PAX5: variants seen among roughly 807,000 people sequenced by gnomAD.
PAX5 encodes the protein paired box protein Pax-5.
Under a neutral mutation model 43.7 loss-of-function variants are expected in PAX5, and 9 were observed. That is an observed-to-expected ratio of 0.21 (90% CI 0.12 to 0.36). The LOEUF (loss-of-function observed/expected upper bound fraction) is 0.36. PAX5 is among the 10% of genes least tolerant of loss of function. The pLI is 1.00. For synonymous variants in PAX5, 228 were observed against 214.3 expected, an observed-to-expected ratio of 1.06 and a Z score of -0.56; for missense variants, 383 against 532.7, an observed-to-expected ratio of 0.72 and a Z score of 2.77.
chr9:36,985,661 G>A lies in PAX5; in HGVS notation c.604+16987C>T, dbSNP rs866595096. Among the ~76,000 whole-genome samples, 36 of 152,272 alleles carry A rather than the reference G, an allele frequency of 2.4e-4. No individual in the cohort carries two copies. In the Middle Eastern group the frequency reaches 0.014, roughly 58 times the overall value. On this transcript the variant is annotated intron_variant, in intron 5 of 9. Coordinates refer to ENST00000358127, the MANE Select transcript of PAX5 (RefSeq NM_016734.3). Reference sequence around the variant, plus strand: ...GGGCAAGAAGAGCTTTCTGAGGCCGGCGCCTGGCCACAGAGCATGGGGATA... The same window carrying A: ...GGGCAAGAAGAGCTTTCTGAGGCCGACGCCTGGCCACAGAGCATGGGGATA...
At chr9:36,913,529 G>C (rs1026715836) in intron 7 of PAX5, among the ~76,000 whole-genome samples, 6 of 152,300 alleles carry the variant, frequency 3.9e-5, no homozygotes, top group African/African-American at 1.4e-4. Flanking sequence ...CAGGCCTGTG[G>C]CCCAATGAGA....
chr9:36,986,709 C>T (rs1836455652), intron 5 of PAX5, among the ~76,000 whole-genome samples: 1 of 152,158 alleles, frequency 6.6e-6, no homozygotes, highest in Non-Finnish European at 1.5e-5. Flanking sequence ...GGCGCCCGGA[C>T]CGCGGGGCCG....
intron 1 of PAX5, among the ~76,000 whole-genome samples, chr9:37,032,679 G>A (rs1434813451): frequency 6.6e-6 from 1 of 152,216 alleles, no homozygotes; most frequent in African/African-American, 2.4e-5. Context: ...ACAGAGATGG[G>A]GGAAGGGGGC....
chr9:36,974,806 C>T (rs1315548897), intron 5 of PAX5, among the ~76,000 whole-genome samples: 1 of 152,160 alleles, frequency 6.6e-6, no homozygotes, highest in Non-Finnish European at 1.5e-5. Context: ...TTCCAAGGCT[C>T]CCCGGGGACA....
At chr9:36,903,034 C>T (rs1023868947) in intron 7 of PAX5, among the ~76,000 whole-genome samples, 5 of 152,196 alleles carry the variant, frequency 3.3e-5, no homozygotes, top group African/African-American at 1.2e-4. Flanking sequence ...CCCCTCACCA[C>T]CAGCACTTGG....
chr9:36,879,850 G>A (rs1017006462), intron 8 of PAX5, among the ~76,000 whole-genome samples: 2 of 152,204 alleles, frequency 1.3e-5, no homozygotes, highest in Non-Finnish European at 2.9e-5. Flanking sequence ...GGAAAATGAG[G>A]AGCCGGTGGG....
intron 7 of PAX5, among the ~76,000 whole-genome samples, chr9:36,885,317 G>A (rs79198230): frequency 0.023 from 3,495 of 152,274 alleles, 148 homozygotes; most frequent in African/African-American, 0.078. Context: ...GCACAGTGAC[G>A]AAGCATGTCA....
chr9:36,881,365 C>T (rs1424184646), intron 8 of PAX5, among the ~76,000 whole-genome samples: 1 of 152,136 alleles, frequency 6.6e-6, no homozygotes, highest in Non-Finnish European at 1.5e-5. Flanking sequence ...TCCTGCTATG[C>T]TAATGCCCTT....
intron 8 of PAX5, among the ~76,000 whole-genome samples, chr9:36,849,106 G>C (rs1042846205): frequency 6.6e-6 from 1 of 152,230 alleles, no homozygotes; most frequent in African/African-American, 2.4e-5. Context: ...GCCCTGACCT[G>C]CAGGGGAATC....
chr9:36,998,210 A>T (rs1342021840), intron 5 of PAX5, among the ~76,000 whole-genome samples: 1 of 152,182 alleles, frequency 6.6e-6, no homozygotes, highest in Non-Finnish European at 1.5e-5. Context: ...CTGCTGAAGA[A>T]CAGTTCATCT....
At chr9:36,999,695 G>A (rs1165194165) in intron 5 of PAX5, among the ~76,000 whole-genome samples, 1 of 152,176 alleles carries the variant, frequency 6.6e-6, no homozygotes, top group African/African-American at 2.4e-5. Flanking sequence ...GGCTGCTGAT[G>A]GTACCGCACT....
At chr9:36,895,095 C>A (rs1474627359) in intron 7 of PAX5, among the ~76,000 whole-genome samples, 1 of 152,214 alleles carries the variant, frequency 6.6e-6, no homozygotes, top group Non-Finnish European at 1.5e-5. Context: ...CTCGCTGCAC[C>A]TCCCTACCAC....
intron 6 of PAX5, among the ~76,000 whole-genome samples, chr9:36,942,028 C>T (rs1411853580): frequency 2.6e-5 from 4 of 152,236 alleles, no homozygotes; most frequent in South Asian, 4.1e-4. Flanking sequence ...TCACTTTGCA[C>T]GTGTTATCTC....
intron 6 of PAX5, among the ~76,000 whole-genome samples, chr9:36,932,767 G>C (rs774960800): frequency 6.6e-6 from 1 of 151,954 alleles, no homozygotes; most frequent in South Asian, 2.1e-4. Flanking sequence ...GGAGTGTGTC[G>C]GGGGAGGGAT....
intron 5 of PAX5, among the ~76,000 whole-genome samples, chr9:36,970,501 C>G (rs1834844003): frequency 6.6e-6 from 1 of 152,136 alleles, no homozygotes; most frequent in South Asian, 2.1e-4. Flanking sequence ...GAAACATGTG[C>G]CCTCCACATT....
chr9:36,861,585 G>A (rs966511138), intron 8 of PAX5, among the ~76,000 whole-genome samples: 1 of 151,872 alleles, frequency 6.6e-6, no homozygotes, highest in South Asian at 2.1e-4. Context: ...AAAGAATGAA[G>A]GTAGCAAGAG....
Position 37,034,088 on chromosome 9 carries a change from C to CTTTTTTTTTATTT in PAX5, c.-58_-57insAAATAAAAAAAAA. ...GGGAAAAGTTTCCACTTTTTTGTGC[C>CTTTTTTTTTATTT]TTTTTTTTTCTTTTTTTTTTTTTTT... is the stretch of plus-strand genomic sequence containing the variant. On this transcript the variant is annotated 5_prime_UTR_variant, in exon 1 of 10. Transcript: ENST00000358127. The CTTTTTTTTTATTT allele has an allele frequency of 2.2e-6, 1 of 447,906 alleles. No homozygotes were observed. 27.7% of individuals were successfully genotyped at this position (447,906 alleles called of 1,614,324 possible).
intron 7 of PAX5, among the ~76,000 whole-genome samples, chr9:36,918,402 C>T (rs146113156): frequency 3.9e-4 from 59 of 152,304 alleles, no homozygotes; most frequent in African/African-American, 1.4e-3. Context: ...GTGGCTTACA[C>T]CTGTAATCCC....
At position 36,944,409 on chromosome 9, in the gene PAX5, G is replaced by T. The variant is rs893690207; in HGVS notation, c.781-20925C>A. 2.6e-5 allele frequency among the ~76,000 whole-genome samples: 4 copies of T among 152,224 alleles called. No individual in the cohort carries two copies. In the East Asian group the frequency reaches 5.8e-4, roughly 22 times the overall value. ...TGCAGCTGGTAGGTGATGGAGCCAG[G>T]ACGGCACCCAGACAGCCTGGCCCTA... is the stretch of plus-strand genomic sequence containing the variant. On this transcript the variant is annotated intron_variant, in intron 6 of 9. Coordinates refer to ENST00000358127, the MANE Select transcript of PAX5 (RefSeq NM_016734.3).
Sources: allele counts gnomAD v4.1 joint callset (sites outside exome capture counted in the v4.1 genomes callset), GRCh38; gene constraint gnomAD v4.1.1; transcripts MANE v1.5; gene names NCBI Gene and HGNC (gene_info 2026-07-23, HGNC 2026-07-21).